The following ZNF566 variants were observed in gnomAD, a reference collection of about 807,000 sequenced individuals.
ZNF566 encodes zinc finger protein 566.
A neutral mutation model predicts 32.8 loss-of-function variants in ZNF566; 27 were observed. The ratio of observed to expected loss-of-function variants is 0.82; its 90% CI spans 0.61 to 1.14. The LOEUF is 1.14. Ranked by LOEUF, ZNF566 falls within the 50% of genes most tolerant of loss-of-function variation. The pLI is 0.00. For synonymous variants in ZNF566, 154 were observed against 159.5 expected (o/e 0.97, Z 0.26); for missense variants, 402 against 490.4 (o/e 0.82, Z 1.70).
chr19:36,481,491 AAAAAG>A (rs1555775216), intron 1 of ZNF566, among the ~76,000 whole-genome samples: 1 of 135,050 alleles, frequency 7.4e-6, no homozygotes, highest in Admixed American at 7.9e-5. Flanking sequence ...AAAAAAAAAA[AAAAAG>A]AAAAGAACAC....
chr19:36,473,044 A>G, intron 3 of ZNF566, 38 bp from the exon 4 acceptor site: 1 of 1,554,106 alleles, frequency 6.4e-7, no homozygotes, highest in Non-Finnish European at 8.8e-7. Flanking sequence ...ATTTATCATG[A>G]GCATATCCTA....
At chr19:36,474,541 T>C (rs2033839527) in intron 2 of ZNF566, among the ~76,000 whole-genome samples, 2 of 152,178 alleles carry the variant, frequency 1.3e-5, no homozygotes, top group Admixed American at 6.6e-5. Context: ...GGGAATACAA[T>C]GTTCCCTTTA....
intron 4 of ZNF566, 113 bp from the exon 5 acceptor site, chr19:36,450,114 AAG>A (rs2033113753): frequency 1.2e-6 from 1 of 828,466 alleles, no homozygotes; most frequent in Non-Finnish European, 1.9e-6. Flanking sequence ...ATGAGGAAAA[AAG>A]AGAGTTAGAA....
At chr19:36,458,989 G>A (rs922660241) in intron 4 of ZNF566, among the ~76,000 whole-genome samples, 1 of 152,150 alleles carries the variant, frequency 6.6e-6, no homozygotes, top group Non-Finnish European at 1.5e-5. Flanking sequence ...AGGTAGCTGG[G>A]ATTACAGGCA....
chr19:36,485,758 G>T (rs1386872071), intron 1 of ZNF566, among the ~76,000 whole-genome samples: 3 of 145,352 alleles, frequency 2.1e-5, no homozygotes, highest in East Asian at 2.1e-4. Flanking sequence ...GCAAGACTTC[G>T]TCTCAAAAAA....
At chr19:36,460,667 T>TA (rs1458875784) in intron 4 of ZNF566, among the ~76,000 whole-genome samples, 1 of 152,134 alleles carries the variant, frequency 6.6e-6, no homozygotes, top group Non-Finnish European at 1.5e-5. Flanking sequence ...GCTGAAAACT[T>TA]ACAAATTTTG....
intron 1 of ZNF566, among the ~76,000 whole-genome samples, chr19:36,477,524 C>CTTTTTTT (rs1568528960): frequency 9.4e-6 from 1 of 106,666 alleles, no homozygotes. Flanking sequence ...TTTTCTGTTT[C>CTTTTTTT]TGTTTTTTTT....
intron 4 of ZNF566, among the ~76,000 whole-genome samples, chr19:36,461,039 G>A (rs2033447577): frequency 6.6e-6 from 1 of 152,160 alleles, no homozygotes; most frequent in African/African-American, 2.4e-5. Flanking sequence ...TGCCCTCAGA[G>A]TCTGTGTGAG....
intron 4 of ZNF566, among the ~76,000 whole-genome samples, chr19:36,468,891 T>G (rs1260419183): frequency 6.6e-6 from 1 of 151,506 alleles, no homozygotes; most frequent in Non-Finnish European, 1.5e-5. Flanking sequence ...CCCTCCAGCC[T>G]GGGCAAGAGT....
chr19:36,449,309 T>C lies in ZNF566; in HGVS notation c.925A>G (p.Lys309Glu), dbSNP rs762122796. The C allele has an allele frequency of 1.2e-6, 2 of 1,614,198 alleles. No homozygotes were observed. Among genetic ancestry groups the C allele is most frequent in the Non-Finnish European group, 1.7e-6 (2 of 1,180,016 alleles). Residue 309 changes from lysine to glutamate, a missense_variant, in exon 5 of 5, where the codon AAA becomes GAA. Lys to Glu is a moderately conservative substitution (Grantham distance 56). Transcript: ENST00000452939. ...CCACATTCCTTACATTCATAGGGTTTTTCCCCAGTATGAATTCTCTGATGT... is the reference window on the plus strand; with the variant it reads ...CCACATTCCTTACATTCATAGGGTTCTTCCCCAGTATGAATTCTCTGATGT... ...TQHQRIHTGE[K>E]PYECKECGNA...
At position 36,484,587 on chromosome 19, in the gene ZNF566, CTTTTT is replaced by C. The variant is rs34052223; in HGVS notation, c.-60+4894_-60+4898del. Reference sequence around the variant, plus strand: ...GAGAAATAGGATTTTGGCATAGTTTCTTTTTTTTTTTTTTTTTTTTGAGATGGAGT... The same window carrying C: ...GAGAAATAGGATTTTGGCATAGTTTCTTTTTTTTTTTTTTTGAGATGGAGT... On this transcript the variant is annotated intron_variant, in intron 1 of 4. Coordinates refer to ENST00000452939, the MANE Select transcript of ZNF566 (RefSeq NM_001145344.1). Among the ~76,000 whole-genome samples, 89 of 111,912 alleles carry C rather than the reference CTTTTT, an allele frequency of 8.0e-4. 1 individual carries two copies. In the East Asian group the frequency reaches 0.021, roughly 26 times the overall value. 73.4% of individuals were successfully genotyped at this position (111,912 alleles called of 152,430 possible).
intron 1 of ZNF566, among the ~76,000 whole-genome samples, chr19:36,483,260 T>C (rs1264921358): frequency 6.6e-6 from 1 of 152,172 alleles, no homozygotes; most frequent in Non-Finnish European, 1.5e-5. Flanking sequence ...TTTTAACATA[T>C]AAACAAATAA....
intron 1 of ZNF566, among the ~76,000 whole-genome samples, chr19:36,486,073 GAGAAA>G (rs146502920): frequency 0.21 from 31,706 of 151,742 alleles, 3,473 homozygotes; most frequent in South Asian, 0.36. Flanking sequence ...GAGAGAGAAA[GAGAAA>G]AGAAAAGAAA....
chr19:36,460,503 G>A (rs1201522917), intron 4 of ZNF566, among the ~76,000 whole-genome samples: 1 of 151,538 alleles, frequency 6.6e-6, no homozygotes, highest in African/African-American at 2.4e-5. Context: ...AAAGAAATTA[G>A]CTAATATGAA....
Position 36,472,928 on chromosome 19 carries a change from G to A in ZNF566, c.215C>T (p.Thr72Ile). Residue 72 changes from threonine to isoleucine, a missense_variant, in exon 4 of 5, where the codon ACA (threonine) becomes ATA (isoleucine). Coordinates refer to ENST00000452939, the MANE Select transcript of ZNF566 (RefSeq NM_001145344.1). ...TCACTTACCTGGCCACTGGCCTCTT[G>A]TTAGCTCTCTGTCAGCCAACCAGGG... ...KEPWLADREL[T>I]RGQWPVLESR... The A allele has an allele frequency of 6.2e-7, 1 of 1,613,938 alleles. No homozygotes were observed. The highest frequency in any genetic ancestry group is 8.5e-7 in the Non-Finnish European group (1 of 1,179,926).
chr19:36,477,993 AAACTTAAAATT>A (rs2033938614), intron 1 of ZNF566, among the ~76,000 whole-genome samples: 1 of 152,220 alleles, frequency 6.6e-6, no homozygotes, highest in South Asian at 2.1e-4. Context: ...AGAACTTAAT[AAACTTAAAATT>A]ATACAAACTA....
At chr19:36,462,067 C>T (rs1313939709) in intron 4 of ZNF566, among the ~76,000 whole-genome samples, 1 of 151,652 alleles carries the variant, frequency 6.6e-6, no homozygotes. Flanking sequence ...CGGCTCACCC[C>T]AACCTCTGCC....
Position 36,446,546 on chromosome 19 carries a change from C to A in ZNF566, c.*2431G>T, listed in dbSNP as rs2032999453. 1 of 152,180 alleles carries A rather than the reference C, an allele frequency of 6.6e-6. No homozygotes were observed. The highest frequency in any genetic ancestry group is 2.4e-5 in the African/African-American group (1 of 41,452). 9.4% of individuals were successfully genotyped at this position (152,180 alleles called of 1,614,324 possible). ...CAGGCGTAAGCCACTGTGCCCAGCC[C>A]CTTTTCTTTCTCTTTAATGGTATTG... On this transcript the variant is annotated 3_prime_UTR_variant, in exon 5 of 5. Coordinates refer to ENST00000452939, the MANE Select transcript of ZNF566 (RefSeq NM_001145344.1).
chr19:36,487,285 A>G (rs2034191649), intron 1 of ZNF566, among the ~76,000 whole-genome samples: 1 of 152,228 alleles, frequency 6.6e-6, no homozygotes, highest in East Asian at 1.9e-4. Flanking sequence ...AGAGCTTCGT[A>G]GTATCTATTA....
Sources: allele counts gnomAD v4.1 joint callset (sites outside exome capture counted in the v4.1 genomes callset), GRCh38; gene constraint gnomAD v4.1.1; transcripts MANE v1.5; gene names NCBI Gene and HGNC (gene_info 2026-07-23, HGNC 2026-07-21).